Variants in CALN1 observed in about 807,000 individuals in gnomAD.
The protein encoded by CALN1 is calcium-binding protein 8.
A neutral mutation model predicts 30.6 loss-of-function variants in CALN1; 17 were observed. That is an observed-to-expected ratio of 0.56 (90% CI 0.38 to 0.83). CALN1 has a LOEUF of 0.83. Ranked by LOEUF, CALN1 falls within the 40% of genes least tolerant of loss-of-function variation. The pLI, the probability that CALN1 is intolerant of heterozygous loss-of-function variation, is 0.00. For missense variants in CALN1, 291 were observed against 354.9 expected, an observed-to-expected ratio of 0.82 and a Z score of 1.45; for synonymous variants, 156 against 131.4, an observed-to-expected ratio of 1.19 and a Z score of -1.28.
chr7:72,424,363 G>A (rs1435282854), intron 1 of CALN1, among the ~76,000 whole-genome samples: 2 of 152,082 alleles, frequency 1.3e-5, no homozygotes, highest in African/African-American at 4.8e-5. Flanking sequence ...AACATCTGGG[G>A]CTTTTACATT....
chr7:72,459,576 T>C, the CALN1 span, among the ~76,000 whole-genome samples: 2 of 143,284 alleles, frequency 1.4e-5, no homozygotes, highest in Non-Finnish European at 3.0e-5. Flanking sequence ...CAGTGAGCTA[T>C]GATGGTGCCA....
intron 5 of CALN1, among the ~76,000 whole-genome samples, chr7:72,001,092 C>A (rs867817615): frequency 1.3e-5 from 2 of 151,662 alleles, no homozygotes; most frequent in Non-Finnish European, 2.9e-5. Context: ...CACTAAATAA[C>A]AGTAATTGGT....
chr7:72,192,422 G>A (rs1342670733), intron 3 of CALN1, among the ~76,000 whole-genome samples: 1 of 152,112 alleles, frequency 6.6e-6, no homozygotes, highest in African/African-American at 2.4e-5. Context: ...GATGGGGCGG[G>A]CATTGTTCTG....
At chr7:71,915,425 G>T (rs967932793) in intron 5 of CALN1, among the ~76,000 whole-genome samples, 1 of 152,144 alleles carries the variant, frequency 6.6e-6, no homozygotes, top group Non-Finnish European at 1.5e-5. Flanking sequence ...CTGATGTCAA[G>T]CAACTATGTA....
At chr7:72,308,005 A>C (rs1461150333) in intron 2 of CALN1, among the ~76,000 whole-genome samples, 1 of 152,226 alleles carries the variant, frequency 6.6e-6, no homozygotes, top group East Asian at 1.9e-4. Flanking sequence ...TGATGGACAG[A>C]AATCTGCTAC....
intron 3 of CALN1, among the ~76,000 whole-genome samples, chr7:72,269,470 A>G (rs1191449885): frequency 1.3e-5 from 2 of 152,156 alleles, no homozygotes; most frequent in Non-Finnish European, 2.9e-5. Flanking sequence ...GAGATTTTAA[A>G]TAAGACTTAA....
intron 3 of CALN1, among the ~76,000 whole-genome samples, chr7:72,172,877 T>C (rs750653174): frequency 5.3e-5 from 8 of 152,282 alleles, no homozygotes; most frequent in Admixed American, 3.9e-4. Context: ...CCCCCTAAAA[T>C]TGGGGACAAA....
chr7:72,054,490 T>TATATAC (rs1803094471), intron 4 of CALN1, among the ~76,000 whole-genome samples: 1 of 85,072 alleles, frequency 1.2e-5, no homozygotes, highest in African/African-American at 6.8e-5. Context: ...CATATATATA[T>TATATAC]ACATATATAC....
chr7:72,350,477 G>A (rs1196094927), intron 2 of CALN1, among the ~76,000 whole-genome samples: 1 of 152,124 alleles, frequency 6.6e-6, no homozygotes, highest in African/African-American at 2.4e-5. Context: ...CATGTCTTTT[G>A]CACAACAGGG....
At chr7:72,020,792 T>G (rs533951304) in intron 5 of CALN1, among the ~76,000 whole-genome samples, 1 of 152,188 alleles carries the variant, frequency 6.6e-6, no homozygotes, top group Non-Finnish European at 1.5e-5. Context: ...TTGTAAGAGA[T>G]ATATTTCCTT....
upstream of CALN1, among the ~76,000 whole-genome samples, chr7:72,413,951 C>T (rs2129563336): frequency 6.6e-6 from 1 of 152,224 alleles, no homozygotes; most frequent in East Asian, 1.9e-4. Context: ...ACTCCCCCTT[C>T]CTTCTGTTTC....
intron 3 of CALN1, among the ~76,000 whole-genome samples, chr7:72,160,746 C>G (rs1480238396): frequency 6.6e-6 from 1 of 152,186 alleles, no homozygotes; most frequent in African/African-American, 2.4e-5. Flanking sequence ...ATCTTAGAAT[C>G]TCAGCTCCCT....
chr7:72,408,468 A>G (rs1806857655), intron 1 of CALN1, among the ~76,000 whole-genome samples: 1 of 151,804 alleles, frequency 6.6e-6, no homozygotes, highest in Non-Finnish European at 1.5e-5. Context: ...ACACAGAGAT[A>G]ATAAAGACAA....
At chr7:72,244,284 T>C (rs996831871) in intron 3 of CALN1, among the ~76,000 whole-genome samples, 1 of 152,140 alleles carries the variant, frequency 6.6e-6, no homozygotes, top group African/African-American at 2.4e-5. Context: ...AACGATAGGG[T>C]AAAGATCCCT....
At chr7:72,317,037 G>GAAGAGAGAGAGAGA (rs373688963) in intron 2 of CALN1, among the ~76,000 whole-genome samples, 12 of 138,926 alleles carry the variant, frequency 8.6e-5, no homozygotes, top group Admixed American at 3.7e-4. Flanking sequence ...GAGGAGGAGG[G>GAAGAGAGAGAGAGA]AAGAGAGAGA....
chr7:72,484,799 C>T, the CALN1 span, among the ~76,000 whole-genome samples: 2 of 150,538 alleles, frequency 1.3e-5, no homozygotes, highest in Non-Finnish European at 3.0e-5. Context: ...AATTGTAGGG[C>T]TTGCCTCGTT....
At chr7:72,406,548 T>C (rs1230296735) in intron 1 of CALN1, among the ~76,000 whole-genome samples, 1 of 152,116 alleles carries the variant, frequency 6.6e-6, no homozygotes, top group Admixed American at 6.5e-5. Flanking sequence ...GAGCTGGATT[T>C]TTGAGCCCCA....
rs773939465 is a variant in CALN1, at chr7:72,246,664, G to A, written c.244+32022C>T. Among the ~76,000 whole-genome samples, 11 of 151,970 alleles carry A rather than the reference G, an allele frequency of 7.2e-5. 1 individual carries two copies. The highest frequency in any genetic ancestry group is 4.2e-4 in the South Asian group (2 of 4,796). Reference sequence around the variant, plus strand: ...AAAAAAGACATAGAAATAAGGACACGGTCCTTTGACCATCTTCTTGTTTTG... The same window carrying A: ...AAAAAAGACATAGAAATAAGGACACAGTCCTTTGACCATCTTCTTGTTTTG... On this transcript the variant is annotated intron_variant, in intron 3 of 6. Coordinates refer to ENST00000395275, the MANE Select transcript of CALN1 (RefSeq NM_031468.4).
intron 5 of CALN1, among the ~76,000 whole-genome samples, chr7:71,949,609 A>C (rs1019852198): frequency 6.6e-6 from 1 of 151,560 alleles, no homozygotes; most frequent in Non-Finnish European, 1.5e-5. Context: ...CGAACTCCTG[A>C]CCTCAAGTGA....
Sources: allele counts gnomAD v4.1 joint callset (sites outside exome capture counted in the v4.1 genomes callset), GRCh38; gene constraint gnomAD v4.1.1; transcripts MANE v1.5; gene names NCBI Gene and HGNC (gene_info 2026-07-23, HGNC 2026-07-21).